ERBB4: variants seen among roughly 807,000 people sequenced by gnomAD.
ERBB4 encodes the protein erb-b2 receptor tyrosine kinase 4.
In ERBB4, 42 loss-of-function variants were observed where a neutral mutation model predicts 158.0. The ratio of observed to expected loss-of-function variants is 0.27; its 90% CI spans 0.21 to 0.34. The LOEUF (loss-of-function observed/expected upper bound fraction) is 0.34, where lower values mean the gene tolerates loss of function less well. Among genes scored for constraint, ERBB4 ranks in the 10% least tolerant of loss-of-function variants. The pLI, the probability that ERBB4 is intolerant of heterozygous loss-of-function variation, is 1.00. For missense variants in ERBB4, 1,333 were observed against 1,624.1 expected, an observed-to-expected ratio of 0.82 and a Z score of 3.08; for synonymous variants, 583 against 558.7, an observed-to-expected ratio of 1.04 and a Z score of -0.61.
At chr2:211,796,285 G>A (rs1166989664) in intron 3 of ERBB4, among the ~76,000 whole-genome samples, 1 of 151,780 alleles carries the variant, frequency 6.6e-6, no homozygotes, top group Non-Finnish European at 1.5e-5. Context: ...CCTTTTGCTC[G>A]ATATTATGTT....
At chr2:212,363,136 T>A (rs956881563) in intron 1 of ERBB4, among the ~76,000 whole-genome samples, 1 of 151,482 alleles carries the variant, frequency 6.6e-6, no homozygotes, top group Non-Finnish European at 1.5e-5. Flanking sequence ...TTTAAATTTT[T>A]AAATTTAAAT....
At position 212,202,050 on chromosome 2, in the gene ERBB4, GT is replaced by G. The variant is rs2082601744; in HGVS notation, c.83-77148del. ...ACAATAATAGCAACATTCATGAAAT[GT>G]TTGCTAAATGAATACCAATTCGGTT... On this transcript the variant is annotated intron_variant, in intron 1 of 27. Coordinates refer to ENST00000342788, the MANE Select transcript of ERBB4 (RefSeq NM_005235.3). 3.9e-5 allele frequency among the ~76,000 whole-genome samples: 6 copies of G among 152,286 alleles called. No homozygotes were observed. The East Asian group carries it at 1.2e-3, about 29-fold the overall frequency.
Position 211,923,065 on chromosome 2 carries a change from G to A in ERBB4, c.421+24365C>T, listed in dbSNP as rs549222340. Among the ~76,000 whole-genome samples, 71 of 152,218 alleles carry A rather than the reference G, an allele frequency of 4.7e-4. 3 individuals carry two copies. In the South Asian group the frequency reaches 0.015, roughly 31 times the overall value. ...CAGTTATTCCACGTAAATTATAGGT[G>A]TACATTTGGATTTTTGAGTCTGAGA... On this transcript the variant is annotated intron_variant, in intron 3 of 27. Coordinates refer to ENST00000342788, the MANE Select transcript of ERBB4 (RefSeq NM_005235.3).
intron 2 of ERBB4, among the ~76,000 whole-genome samples, chr2:212,010,714 G>C (rs1188431550): frequency 6.6e-6 from 1 of 152,020 alleles, no homozygotes; most frequent in South Asian, 2.1e-4. Flanking sequence ...AATTTACCAG[G>C]GTGGAGTTTT....
At chr2:211,755,422 A>C (rs1025054637) in intron 4 of ERBB4, among the ~76,000 whole-genome samples, 1 of 152,128 alleles carries the variant, frequency 6.6e-6, no homozygotes, top group Non-Finnish European at 1.5e-5. Flanking sequence ...GGATCACTGG[A>C]ACCTGGGAGG....
At chr2:212,204,062 C>T (rs1013185154) in intron 1 of ERBB4, among the ~76,000 whole-genome samples, 2 of 152,288 alleles carry the variant, frequency 1.3e-5, no homozygotes, top group Middle Eastern at 3.4e-3. Context: ...CATTAAATCA[C>T]TTTAATTTAA....
intron 3 of ERBB4, among the ~76,000 whole-genome samples, chr2:211,820,459 A>G (rs928032551): frequency 2.0e-5 from 3 of 151,914 alleles, no homozygotes; most frequent in Non-Finnish European, 4.4e-5. Context: ...CCAACAAAGA[A>G]AAGTCTAAGA....
chr2:212,440,315 T>G (rs928464461), intron 1 of ERBB4, among the ~76,000 whole-genome samples: 2 of 152,108 alleles, frequency 1.3e-5, no homozygotes, highest in African/African-American at 4.8e-5. Context: ...CAGAAAAATG[T>G]GAAAAGGAGA....
chr2:212,506,883 C>A (rs75114964), intron 1 of ERBB4, among the ~76,000 whole-genome samples: 3,298 of 152,212 alleles, frequency 0.022, 98 homozygotes, highest in South Asian at 0.079. Context: ...AAGGTAGATA[C>A]ACTAAACAAC....
At chr2:212,415,050 T>C (rs2091613226) in intron 1 of ERBB4, among the ~76,000 whole-genome samples, 1 of 152,172 alleles carries the variant, frequency 6.6e-6, no homozygotes, top group African/African-American at 2.4e-5. Context: ...TCTATTAAAC[T>C]GAAACTGATG....
At chr2:212,147,573 C>A (rs1328040202) in intron 1 of ERBB4, among the ~76,000 whole-genome samples, 1 of 152,062 alleles carries the variant, frequency 6.6e-6, no homozygotes, top group Non-Finnish European at 1.5e-5. Context: ...TCACAAACTA[C>A]TATCTACCAC....
chr2:212,145,674 T>C (rs1042906042), intron 1 of ERBB4, among the ~76,000 whole-genome samples: 7 of 142,662 alleles, frequency 4.9e-5, no homozygotes, highest in Non-Finnish European at 9.0e-5. Flanking sequence ...AACAGCTAAG[T>C]GTACAGCCTT....
intron 19 of ERBB4, among the ~76,000 whole-genome samples, chr2:211,611,475 G>C (rs2069198335): frequency 8.0e-6 from 1 of 124,912 alleles, no homozygotes; most frequent in Admixed American, 8.0e-5. Context: ...ACACTCTTTA[G>C]GTCCGCACGT....
At position 211,401,930 on chromosome 2, in the gene ERBB4, T is replaced by C. The variant is rs1191118733; in HGVS notation, c.3136-13938A>G. Among the ~76,000 whole-genome samples the C allele has an allele frequency of 2.6e-5, 4 of 151,524 alleles. No homozygotes were observed. In the East Asian group the frequency reaches 7.7e-4, roughly 29 times the overall value. On this transcript the variant is annotated intron_variant, in intron 25 of 27. Coordinates refer to ENST00000342788, the MANE Select transcript of ERBB4 (RefSeq NM_005235.3). ...TATTTTCTGGGCCACTATGTCACAA[T>C]TATAATATAATAATATATTATATAT...
chr2:212,370,494 C>T (rs990764397), intron 1 of ERBB4, among the ~76,000 whole-genome samples: 3 of 152,190 alleles, frequency 2.0e-5, no homozygotes, highest in Middle Eastern at 3.4e-3. Context: ...GAACACACTG[C>T]CCCAAACATA....
At chr2:211,421,433 C>T (rs1005247570) in intron 24 of ERBB4, among the ~76,000 whole-genome samples, 1 of 151,630 alleles carries the variant, frequency 6.6e-6, no homozygotes, top group Non-Finnish European at 1.5e-5. Context: ...TTTTAATTAT[C>T]CAAGTCTATC....
At chr2:212,230,927 A>G (rs753981169) in intron 1 of ERBB4, among the ~76,000 whole-genome samples, 5 of 152,208 alleles carry the variant, frequency 3.3e-5, no homozygotes, top group Non-Finnish European at 7.3e-5. Flanking sequence ...AGTTGATACC[A>G]TTAAATAAAC....
chr2:211,631,484 A>C (rs1156284478), intron 16 of ERBB4, among the ~76,000 whole-genome samples: 5 of 152,228 alleles, frequency 3.3e-5, no homozygotes, highest in African/African-American at 7.2e-5. Context: ...ATTACATAAA[A>C]AGTGGTAAAC....
chr2:211,992,700 G>A (rs12994785), intron 2 of ERBB4, among the ~76,000 whole-genome samples: 64,258 of 151,904 alleles, frequency 0.42, 15,373 homozygotes, highest in Non-Finnish European at 0.56. Context: ...AGGTGAGACA[G>A]AAAGAAAATT....
Sources: gnomAD v4.1 joint callset for allele counts (sites outside exome capture counted in the v4.1 genomes callset) on GRCh38, gnomAD v4.1.1 for gene constraint, MANE v1.5 for transcripts, NCBI Gene and HGNC (gene_info 2026-07-23, HGNC 2026-07-21) for gene names.